The following ITFG1 variants were observed in gnomAD, a reference collection of about 807,000 sequenced individuals.
ITFG1 encodes integrin alpha FG-GAP repeat containing 1.
ITFG1 carries 34 observed loss-of-function variants against 81.8 expected under a neutral mutation model. The ratio of observed to expected loss-of-function variants is 0.42; its 90% CI spans 0.32 to 0.55. ITFG1 has a LOEUF of 0.55. ITFG1 is among the 20% of genes least tolerant of loss of function. The probability of loss-of-function intolerance (pLI) is 0.17; values close to 1 mark genes in which losing one functional copy is unlikely to be tolerated. For synonymous variants in ITFG1, 285 were observed against 270.6 expected (o/e 1.05, Z -0.52); for missense variants, 672 against 755.4 (o/e 0.89, Z 1.29).
At chr16:47,449,190 AC>A (rs1201518630) in intron 5 of ITFG1, 1 of 152,204 alleles carries the variant, frequency 6.6e-6, no homozygotes, top group African/African-American at 2.4e-5. Flanking sequence ...TGCTTCCCAA[AC>A]CAAAGCGCTG....
chr16:47,312,540 A>C (rs1033594442), intron 9 of ITFG1: 3 of 152,180 alleles, frequency 2.0e-5, no homozygotes, highest in African/African-American at 7.2e-5. Flanking sequence ...ATCTTTAATA[A>C]TTTTTCAATC....
chr16:47,262,434 TCA>T (rs1966220705), intron 10 of ITFG1, among the ~76,000 whole-genome samples: 1 of 152,234 alleles, frequency 6.6e-6, no homozygotes, highest in Admixed American at 6.5e-5. Context: ...TCTAGATATT[TCA>T]CAGAGATGTA....
At chr16:47,365,716 A>T in intron 8 of ITFG1, 72 bp downstream of exon 8, 1 of 906,324 alleles carries the variant, frequency 1.1e-6, no homozygotes, top group Non-Finnish European at 1.8e-6. Context: ...GGGAATTAAT[A>T]TAAATAGAAC....
intron 8 of ITFG1, among the ~76,000 whole-genome samples, chr16:47,325,065 C>T (rs533617297): frequency 1.8e-4 from 27 of 152,110 alleles, no homozygotes; most frequent in Admixed American, 4.6e-4. Context: ...TATTCCAAAA[C>T]TGACCACATA....
At chr16:47,380,354 A>G (rs1326271192) in intron 6 of ITFG1, among the ~76,000 whole-genome samples, 1 of 152,194 alleles carries the variant, frequency 6.6e-6, no homozygotes, top group African/African-American at 2.4e-5. Context: ...ATGATGACGG[A>G]GAAGTTCCTC....
chr16:47,390,561 C>T (rs571105546), intron 6 of ITFG1, among the ~76,000 whole-genome samples: 4 of 152,208 alleles, frequency 2.6e-5, no homozygotes, highest in African/African-American at 9.6e-5. Context: ...CAGGTTCAAG[C>T]GATTCTCTTG....
intron 12 of ITFG1, among the ~76,000 whole-genome samples, chr16:47,254,935 AG>A (rs1273784590): frequency 2.6e-5 from 4 of 152,150 alleles, no homozygotes; most frequent in Non-Finnish European, 4.4e-5. Flanking sequence ...AAAATACAAA[AG>A]ATTAGCGAGG....
intron 10 of ITFG1, among the ~76,000 whole-genome samples, chr16:47,278,619 C>T (rs964916688): frequency 6.6e-6 from 1 of 152,158 alleles, no homozygotes; most frequent in Admixed American, 6.5e-5. Flanking sequence ...AGATCTGTCA[C>T]ACACAGGCTT....
At chr16:47,405,795 G>A (rs1348780479) in intron 6 of ITFG1, among the ~76,000 whole-genome samples, 2 of 152,044 alleles carry the variant, frequency 1.3e-5, no homozygotes, top group Admixed American at 1.3e-4. Flanking sequence ...TTCAGATAAA[G>A]ACTAAACGTT....
intron 14 of ITFG1, among the ~76,000 whole-genome samples, chr16:47,198,533 T>C (rs1389061153): frequency 6.6e-6 from 1 of 152,258 alleles, no homozygotes; most frequent in Non-Finnish European, 1.5e-5. Context: ...TAGTATACTG[T>C]ACTTTTAATC....
chr16:47,168,983 T>A (rs576397564), intron 14 of ITFG1, among the ~76,000 whole-genome samples: 1 of 152,344 alleles, frequency 6.6e-6, no homozygotes, highest in South Asian at 2.1e-4. Flanking sequence ...GAAGGTACTC[T>A]TCTTTCTCCA....
chr16:47,201,858 G>C (rs1965428752), intron 14 of ITFG1, among the ~76,000 whole-genome samples: 1 of 152,102 alleles, frequency 6.6e-6, no homozygotes, highest in South Asian at 2.1e-4. Context: ...CCTCATCAAG[G>C]GGTCTGGCAC....
intron 8 of ITFG1, among the ~76,000 whole-genome samples, chr16:47,317,146 C>T (rs1389307055): frequency 6.6e-6 from 1 of 152,192 alleles, no homozygotes; most frequent in Non-Finnish European, 1.5e-5. Context: ...ATGCTAACTT[C>T]CCTTTGATGG....
chr16:47,327,161 A>T (rs1036171742), intron 8 of ITFG1, among the ~76,000 whole-genome samples: 1 of 152,186 alleles, frequency 6.6e-6, no homozygotes, highest in Admixed American at 6.5e-5. Context: ...AGCCCTCAGA[A>T]ATAATGTCAC....
chr16:47,359,083 C>CAAAG (rs776047193), intron 8 of ITFG1, among the ~76,000 whole-genome samples: 22 of 152,024 alleles, frequency 1.4e-4, no homozygotes, highest in Non-Finnish European at 2.9e-4. Context: ...TAAGCAAGGG[C>CAAAG]AAAGGCCTCA....
At chr16:47,397,453 TA>T (rs1269672434) in intron 6 of ITFG1, among the ~76,000 whole-genome samples, 1 of 152,180 alleles carries the variant, frequency 6.6e-6, no homozygotes, top group Non-Finnish European at 1.5e-5. Flanking sequence ...GCATTTGAGA[TA>T]AAGCTTGAAA....
chr16:47,402,175 T>TA (rs1968670116), intron 6 of ITFG1, among the ~76,000 whole-genome samples: 1 of 152,192 alleles, frequency 6.6e-6, no homozygotes, highest in African/African-American at 2.4e-5. Flanking sequence ...AATCTTTATA[T>TA]AGTGTTTTCA....
intron 7 of ITFG1, among the ~76,000 whole-genome samples, chr16:47,371,571 A>C (rs539542461): frequency 6.6e-6 from 1 of 152,300 alleles, no homozygotes; most frequent in African/African-American, 2.4e-5. Context: ...TTTAATATTT[A>C]ATGTTAAAAC....
chr16:47,218,916 T>C lies in ITFG1; in HGVS notation c.1405A>G (p.Ile469Val). ...PFGVNQPGPY[I>V]MYTTVDANGY... ...TTTGCATCTACAGTTGTATACATGA[T>C]ATAAGGTCCAGGTTGATTCACTCCA... The change falls in exon 14 of 18, where the codon ATC (isoleucine) becomes GTC (valine). Residue 469 changes from isoleucine (I) to valine (V), a missense_variant. Physicochemically the swap from Ile to Val is conservative, Grantham distance 29. Transcript: ENST00000320640. 1 of 1,603,196 alleles carries C rather than the reference T, an allele frequency of 6.2e-7. No individual in the cohort carries two copies. Among genetic ancestry groups the C allele is most frequent in the Non-Finnish European group, 8.5e-7 (1 of 1,174,542 alleles).
Sources: allele counts gnomAD v4.1 joint callset (sites outside exome capture counted in the v4.1 genomes callset), GRCh38; gene constraint gnomAD v4.1.1; transcripts MANE v1.5; gene names NCBI Gene and HGNC (gene_info 2026-07-23, HGNC 2026-07-21).